PGM1: variants seen among roughly 807,000 people sequenced by gnomAD.
PGM1 encodes the protein phosphoglucomutase 1.
A neutral mutation model predicts 55.6 loss-of-function variants in PGM1; 52 were observed. The observed-to-expected ratio is 0.94, with a 90% CI of 0.75 to 1.18. PGM1 has a LOEUF of 1.18. Among genes scored for constraint, PGM1 ranks in the 50% most tolerant of loss-of-function variants. The pLI, the probability that PGM1 is intolerant of heterozygous loss-of-function variation, is 0.00. For synonymous variants in PGM1, 287 were observed against 271.7 expected (o/e 1.06, Z -0.55); for missense variants, 724 against 729.3 (o/e 0.99, Z 0.08).
At chr1:63,643,672 C>G (rs1215456978) in intron 7 of PGM1, among the ~76,000 whole-genome samples, 1 of 152,244 alleles carries the variant, frequency 6.6e-6, no homozygotes, top group Admixed American at 6.5e-5. Flanking sequence ...AGCCAGTCAA[C>G]TGGGGCCCGG....
At chr1:63,595,106 G>A (rs1462142434) in intron 1 of PGM1, among the ~76,000 whole-genome samples, 2 of 152,224 alleles carry the variant, frequency 1.3e-5, no homozygotes, top group Admixed American at 6.5e-5. Flanking sequence ...CAATTCTTCT[G>A]GAACGCATCC....
chr1:63,623,286 G>A, intron 1 of PGM1: 1 of 1,440,388 alleles, frequency 6.9e-7, no homozygotes, highest in Non-Finnish European at 9.1e-7. Context: ...GTTCACAAGG[G>A]ACAACAACAA....
intron 1 of PGM1, among the ~76,000 whole-genome samples, chr1:63,594,788 CAAAAAAAAAA>C (rs34661751): frequency 4.4e-5 from 4 of 90,528 alleles, no homozygotes; most frequent in African/African-American, 4.3e-5. Context: ...CTAAAAAATA[CAAAAAAAAAA>C]AAAAAAAAAA....
At chr1:63,627,249 A>G (rs1649050206) in intron 1 of PGM1, among the ~76,000 whole-genome samples, 1 of 152,260 alleles carries the variant, frequency 6.6e-6, no homozygotes, top group East Asian at 1.9e-4. Context: ...TTCTTCAGGT[A>G]TATACCTAGA....
intron 4 of PGM1, among the ~76,000 whole-genome samples, chr1:63,634,003 A>C (rs1649294149): frequency 7.2e-6 from 1 of 139,338 alleles, no homozygotes; most frequent in Non-Finnish European, 1.5e-5. Flanking sequence ...GCTGGTCTCA[A>C]ACTCCTGACC....
chr1:63,623,363 A>G (rs530397994), intron 1 of PGM1: 84 of 1,526,652 alleles, frequency 5.5e-5, no homozygotes, highest in Non-Finnish European at 5.0e-5. Flanking sequence ...TTAGTTACTC[A>G]TACGACACTG....
chr1:63,653,601 C>T (rs550954342), intron 9 of PGM1, among the ~76,000 whole-genome samples: 53 of 152,180 alleles, frequency 3.5e-4, no homozygotes, highest in Non-Finnish European at 7.2e-4. Context: ...TCTGTCCCAG[C>T]CTTCTTCCCT....
chr1:63,619,372 A>G (rs1293670834), intron 1 of PGM1, among the ~76,000 whole-genome samples: 1 of 152,188 alleles, frequency 6.6e-6, no homozygotes, highest in Non-Finnish European at 1.5e-5. Flanking sequence ...GGAGAGGAAA[A>G]AAACAAAAGC....
At chr1:63,594,022 T>C in intron 1 of PGM1, 1 of 1,125,588 alleles carries the variant, frequency 8.9e-7, no homozygotes, top group East Asian at 5.5e-5. Context: ...ACTCTCCGTC[T>C]CTAGCCGCTG....
At chr1:63,651,887 C>G in intron 9 of PGM1, 35 bp downstream of exon 9, 1 of 1,562,358 alleles carries the variant, frequency 6.4e-7, no homozygotes, top group Non-Finnish European at 8.8e-7. Context: ...GAGAGAGAGA[C>G]CTCAGAGCTT....
chr1:63,648,787 T>A, intron 8 of PGM1, 135 bp downstream of exon 8: 2 of 946,436 alleles, frequency 2.1e-6, no homozygotes, highest in Non-Finnish European at 3.3e-6. Flanking sequence ...TTGGAGACTT[T>A]AAAAATAATC....
intron 1 of PGM1, among the ~76,000 whole-genome samples, chr1:63,624,384 C>T (rs926323390): frequency 1.3e-5 from 2 of 152,176 alleles, no homozygotes; most frequent in Admixed American, 6.5e-5. Context: ...ATAATAACTC[C>T]TGTAAGACTA....
chr1:63,649,286 T>C (rs1649741788), intron 8 of PGM1, among the ~76,000 whole-genome samples: 1 of 152,230 alleles, frequency 6.6e-6, no homozygotes, highest in Non-Finnish European at 1.5e-5. Flanking sequence ...TACTTGGAAT[T>C]CAGCAGTGAA....
At position 63,659,783 on chromosome 1, in the gene PGM1, G is replaced by A; in HGVS notation, c.*108G>A. 1.2e-6 allele frequency: 1 copy of A among 853,292 alleles called. No homozygotes were observed. The highest frequency in any genetic ancestry group is 2.0e-6 in the Non-Finnish European group (1 of 505,510). The allele number at this position is 853,292 out of a possible 1,614,324, so 52.9% of individuals were successfully genotyped here. ...GTATTCACCAAGCATTTTAGGATTT[G>A]ACTTTTTCACTAACCAGTTGACGAG... On this transcript the variant is annotated 3_prime_UTR_variant, in exon 11 of 11. Transcript: ENST00000371084.
rs1557429466 is a variant in PGM1 at position 63,627,062 on chromosome 1, C to CA, written c.247-2363_247-2362insA. Among the ~76,000 whole-genome samples the CA allele has an allele frequency of 3.1e-3, 394 of 127,820 alleles. 7 individuals carry two copies. The highest frequency in any genetic ancestry group is 0.011 in the African/African-American group (372 of 33,322). 83.9% of individuals were successfully genotyped at this position (127,820 alleles called of 152,430 possible). On this transcript the variant is annotated intron_variant, in intron 1 of 10. Coordinates refer to ENST00000371084, the MANE Select transcript of PGM1 (RefSeq NM_002633.3). ...TGTGGCATATGGCAGGACCCCCCCC[C>CA]CCCCACACACACACACACTTTTAAG...
chr1:63,593,842 T>A, intron 1 of PGM1, 108 bp downstream of exon 1: 1 of 1,308,680 alleles, frequency 7.6e-7, no homozygotes, highest in Non-Finnish European at 9.6e-7. Flanking sequence ...CGCTGCCGCC[T>A]CGGTTTCCAC....
At chr1:63,610,361 G>A (rs1227196371) in intron 1 of PGM1, among the ~76,000 whole-genome samples, 4 of 151,948 alleles carry the variant, frequency 2.6e-5, no homozygotes, top group African/African-American at 4.8e-5. Context: ...AAATTCAGAT[G>A]TGCTAAAGAA....
chr1:63,646,833 T>C (rs1275917625), intron 7 of PGM1, among the ~76,000 whole-genome samples: 1 of 152,230 alleles, frequency 6.6e-6, no homozygotes, highest in Non-Finnish European at 1.5e-5. Context: ...TCTATGTGTA[T>C]TGTTTGGCAA....
At chr1:63,643,447 G>A (rs1649568680) in intron 7 of PGM1, among the ~76,000 whole-genome samples, 1 of 152,190 alleles carries the variant, frequency 6.6e-6, no homozygotes, top group African/African-American at 2.4e-5. Context: ...GGCACCTTAT[G>A]GAAAGGAAAC....
Sources: gnomAD v4.1 joint callset for allele counts (sites outside exome capture counted in the v4.1 genomes callset) on GRCh38, gnomAD v4.1.1 for gene constraint, MANE v1.5 for transcripts, NCBI Gene and HGNC (gene_info 2026-07-23, HGNC 2026-07-21) for gene names.